Variants in MYRIP observed in about 807,000 individuals in gnomAD.
MYRIP encodes the protein rab effector MyRIP.
A neutral mutation model predicts 98.0 loss-of-function variants in MYRIP; 49 were observed. The observed-to-expected ratio is 0.50, with a 90% CI of 0.40 to 0.63. MYRIP has a LOEUF of 0.63. Among genes scored for constraint, MYRIP ranks in the 30% least tolerant of loss-of-function variants. The pLI is 0.00. For missense variants in MYRIP, 1,004 were observed against 1,058.2 expected, an observed-to-expected ratio of 0.95 and a Z score of 0.71; for synonymous variants, 404 against 409.5, an observed-to-expected ratio of 0.99 and a Z score of 0.16.
intron 9 of MYRIP, among the ~76,000 whole-genome samples, 182 bp from the exon 10 acceptor site, chr3:40,189,644 G>C (rs1281420033): frequency 6.6e-6 from 1 of 152,218 alleles, no homozygotes; most frequent in Admixed American, 6.5e-5. Flanking sequence ...GAGCTTTCAA[G>C]AGATTCCTTG....
intron 1 of MYRIP, among the ~76,000 whole-genome samples, chr3:39,876,956 C>A (rs1045025028): frequency 2.0e-5 from 3 of 152,184 alleles, no homozygotes; most frequent in Non-Finnish European, 4.4e-5. Context: ...TGGTTTGATT[C>A]TCCCCGTCGC....
chr3:40,054,381 T>C (rs1947844863), intron 3 of MYRIP, among the ~76,000 whole-genome samples: 1 of 152,196 alleles, frequency 6.6e-6, no homozygotes, highest in South Asian at 2.1e-4. Flanking sequence ...AGGTTTTTAT[T>C]AACATGAGTT....
chr3:40,134,277 C>T (rs747333661), intron 3 of MYRIP, among the ~76,000 whole-genome samples: 2 of 152,236 alleles, frequency 1.3e-5, no homozygotes, highest in East Asian at 1.9e-4. Context: ...CACGGAGCCT[C>T]GCTCATTGCT....
chr3:39,959,892 G>A (rs922311712), intron 2 of MYRIP, among the ~76,000 whole-genome samples: 14 of 152,068 alleles, frequency 9.2e-5, no homozygotes, highest in Non-Finnish European at 1.5e-4. Flanking sequence ...CATGGTGTTC[G>A]TGATTCCTTA....
At chr3:40,036,026 C>T (rs560142657) in intron 2 of MYRIP, among the ~76,000 whole-genome samples, 4 of 151,728 alleles carry the variant, frequency 2.6e-5, no homozygotes, top group South Asian at 4.2e-4. Context: ...AACAGAAAAG[C>T]TTTGAGATAT....
chr3:40,168,906 C>T (rs538222232), intron 7 of MYRIP, among the ~76,000 whole-genome samples: 1 of 152,352 alleles, frequency 6.6e-6, no homozygotes, highest in South Asian at 2.1e-4. Flanking sequence ...TGTTGAAAAA[C>T]TTCAGTCTTC....
At chr3:39,904,381 G>A (rs1376294685) in intron 2 of MYRIP, among the ~76,000 whole-genome samples, 2 of 151,980 alleles carry the variant, frequency 1.3e-5, no homozygotes, top group South Asian at 2.1e-4. Context: ...GATTACAGGT[G>A]CAAGCTCTCA....
At chr3:40,073,550 A>G (rs1397502621) in intron 3 of MYRIP, among the ~76,000 whole-genome samples, 1 of 152,158 alleles carries the variant, frequency 6.6e-6, no homozygotes, top group East Asian at 1.9e-4. Context: ...TACGAATCCT[A>G]CCTAATGACG....
At position 40,193,975 on chromosome 3, in the gene MYRIP, G is replaced by A. The variant is rs1250555479; in HGVS notation, c.1665+3512G>A. Among the ~76,000 whole-genome samples the A allele has an allele frequency of 3.3e-5, 5 of 151,898 alleles. No individual in the cohort carries two copies. In the East Asian group the frequency reaches 9.7e-4, roughly 29 times the overall value. Reference sequence around the variant, plus strand: ...AGTTTTATTTTCTAATTATATAATAGATTTCAGATCTTTGATGGTTACACG... The same window carrying A: ...AGTTTTATTTTCTAATTATATAATAAATTTCAGATCTTTGATGGTTACACG... On this transcript the variant is annotated intron_variant, in intron 10 of 16. Transcript: ENST00000302541.
intron 1 of MYRIP, among the ~76,000 whole-genome samples, chr3:39,815,294 T>C (rs1460686344): frequency 6.6e-6 from 1 of 152,174 alleles, no homozygotes; most frequent in Admixed American, 6.5e-5. Context: ...GTATGTGGCA[T>C]TTTGTGTCTG....
Position 40,044,276 on chromosome 3 carries a change from G to A in MYRIP, c.332+5G>A. On this transcript the variant is annotated splice_donor_5th_base_variant and intron_variant, in intron 3 of 16. Transcript: ENST00000302541. ...CTGCGTCTGCCAGCAAGCGAGGTGA[G>A]TGGCTGGTGCATTCCCAGGGTCTAC... 6.2e-7 allele frequency: 1 copy of A among 1,613,814 alleles called. No homozygotes were observed. Among genetic ancestry groups the A allele is most frequent in the Non-Finnish European group, 8.5e-7 (1 of 1,179,732 alleles).
At chr3:39,999,430 A>G (rs1187205795) in intron 2 of MYRIP, among the ~76,000 whole-genome samples, 1 of 152,238 alleles carries the variant, frequency 6.6e-6, no homozygotes, top group Non-Finnish European at 1.5e-5. Context: ...AAAAATGCTC[A>G]TCATCACTGG....
At chr3:39,894,565 A>C (rs573378613) in intron 1 of MYRIP, among the ~76,000 whole-genome samples, 1 of 152,164 alleles carries the variant, frequency 6.6e-6, no homozygotes, top group Non-Finnish European at 1.5e-5. Context: ...GTTGCTGTAT[A>C]CTTTCTTGTA....
At chr3:40,204,806 G>A (rs1951749820) in intron 10 of MYRIP, among the ~76,000 whole-genome samples, 1 of 152,074 alleles carries the variant, frequency 6.6e-6, no homozygotes, top group Admixed American at 6.5e-5. Flanking sequence ...GCAGGACTCT[G>A]CAGTGATGGG....
At chr3:40,071,080 C>A in intron 3 of MYRIP, 1 of 942,560 alleles carries the variant, frequency 1.1e-6, no homozygotes, top group Non-Finnish European at 1.3e-6. Flanking sequence ...ACATAAGAAT[C>A]TGTGGTAGGG....
rs1302445352 is a variant in MYRIP at position 40,212,255 on chromosome 3, T to TAC, written c.1905+2163_1905+2164insCA. On this transcript the variant is annotated intron_variant, in intron 11 of 16. Transcript: ENST00000302541. The stretch of plus-strand genomic sequence containing the variant: ...ACACACACACACACACATATATATA[T>TAC]ATACACGTATATATATAGAGAGAGA... Among the ~76,000 whole-genome samples, 13 of 37,160 alleles carry TAC rather than the reference T, an allele frequency of 3.5e-4. 1 individual carries two copies. The highest frequency in any genetic ancestry group is 7.9e-4 in the African/African-American group (13 of 16,456). 24.4% of individuals were successfully genotyped at this position (37,160 alleles called of 152,430 possible).
intron 15 of MYRIP, 49 bp from the exon 16 acceptor site, chr3:40,251,832 A>T (rs1457241603): frequency 7.7e-7 from 1 of 1,298,836 alleles, no homozygotes; most frequent in Non-Finnish European, 1.1e-6. Flanking sequence ...CTTAACAATC[A>T]ATCAGTCCAT....
intron 3 of MYRIP, among the ~76,000 whole-genome samples, chr3:40,133,135 A>G (rs1386532772): frequency 6.6e-6 from 1 of 152,264 alleles, no homozygotes; most frequent in Non-Finnish European, 1.5e-5. Context: ...GGAAGAACAC[A>G]AAGTCTACAT....
intron 7 of MYRIP, 81 bp from the exon 8 acceptor site, chr3:40,169,869 C>A: frequency 6.4e-7 from 1 of 1,567,486 alleles, no homozygotes; most frequent in Non-Finnish European, 8.7e-7. Context: ...GAAAAAAATT[C>A]CAAAGATGGT....
Sources: gnomAD v4.1 joint callset for allele counts (sites outside exome capture counted in the v4.1 genomes callset) on GRCh38, gnomAD v4.1.1 for gene constraint, MANE v1.5 for transcripts, NCBI Gene and HGNC (gene_info 2026-07-23, HGNC 2026-07-21) for gene names.